The following E2F6 variants were observed in gnomAD, a reference collection of about 807,000 sequenced individuals.
The protein encoded by E2F6 is E2F transcription factor 6.
E2F6 carries 19 observed loss-of-function variants against 31.5 expected under a neutral mutation model. That is an observed-to-expected ratio of 0.60 (90% CI 0.42 to 0.89). E2F6 has a LOEUF of 0.89. Among genes scored for constraint, E2F6 ranks in the 40% least tolerant of loss-of-function variants. The pLI, the probability that E2F6 is intolerant of heterozygous loss-of-function variation, is 0.00. For synonymous variants in E2F6, 121 were observed against 127.7 expected (o/e 0.95, Z 0.36); for missense variants, 269 against 341.6 (o/e 0.79, Z 1.67).
At chr2:11,457,037 T>C (rs534395877) in intron 2 of E2F6, 142 bp downstream of exon 2, 4 of 674,524 alleles carry the variant, frequency 5.9e-6, no homozygotes, top group African/African-American at 1.8e-5. Flanking sequence ...GAGTTGTTAC[T>C]AAAACTTGCA....
chr2:11,465,178 C>CAAAAAAAAAAAAAAAAA (rs59561027), intron 1 of E2F6, among the ~76,000 whole-genome samples: 3 of 88,578 alleles, frequency 3.4e-5, no homozygotes, highest in African/African-American at 4.7e-5. Context: ...AACTCAATCT[C>CAAAAAAAAAAAAAAAAA]AAAAAAAAAA....
At chr2:11,460,679 T>A (rs993567086) in intron 1 of E2F6, among the ~76,000 whole-genome samples, 1 of 152,110 alleles carries the variant, frequency 6.6e-6, no homozygotes, top group Admixed American at 6.5e-5. Flanking sequence ...CATCATAGAG[T>A]GCTTAAACAA....
intron 1 of E2F6, among the ~76,000 whole-genome samples, chr2:11,462,842 G>A (rs556843671): frequency 6.6e-6 from 1 of 152,216 alleles, no homozygotes; most frequent in South Asian, 2.1e-4. Flanking sequence ...AATTATTTCT[G>A]GAATTTTCAT....
chr2:11,461,514 G>A (rs1572513310), intron 1 of E2F6, among the ~76,000 whole-genome samples: 1 of 152,206 alleles, frequency 6.6e-6, no homozygotes, highest in African/African-American at 2.4e-5. Flanking sequence ...ACCAAGCCTG[G>A]CTAATTTTTT....
chr2:11,454,571 T>G (rs1236052237), intron 2 of E2F6, among the ~76,000 whole-genome samples: 2 of 152,068 alleles, frequency 1.3e-5, no homozygotes, highest in Non-Finnish European at 2.9e-5. Flanking sequence ...GGTCTTGAAT[T>G]CATTCCTGAC....
chr2:11,464,616 G>A (rs1300925949), intron 1 of E2F6, among the ~76,000 whole-genome samples: 4 of 151,980 alleles, frequency 2.6e-5, no homozygotes, highest in African/African-American at 9.7e-5. Context: ...TTAAGATGGG[G>A]ATGGATTTAG....
At chr2:11,449,295 G>C (rs1670914864) in intron 5 of E2F6, among the ~76,000 whole-genome samples, 1 of 152,128 alleles carries the variant, frequency 6.6e-6, no homozygotes, top group Non-Finnish European at 1.5e-5. Context: ...GGGGACAAAA[G>C]GAAAAACAGG....
chr2:11,456,456 G>A (rs895209454), intron 2 of E2F6, among the ~76,000 whole-genome samples: 2 of 152,172 alleles, frequency 1.3e-5, no homozygotes, highest in African/African-American at 4.8e-5. Context: ...TTGCGTCAGA[G>A]AGGTAAGAGA....
At chr2:11,458,399 C>T (rs887338040) in intron 1 of E2F6, 1 of 1,541,560 alleles carries the variant, frequency 6.5e-7, no homozygotes, top group Admixed American at 2.0e-5. Flanking sequence ...CGGAAATGAA[C>T]AAAGGTGTGA....
intron 1 of E2F6, chr2:11,458,451 T>A: frequency 1.6e-6 from 2 of 1,235,328 alleles, no homozygotes; most frequent in Non-Finnish European, 2.3e-6. Flanking sequence ...CCCACTGAAG[T>A]GGCCAGTGTG....
rs1553336593 is a variant in E2F6, at chr2:11,463,949, G to GGGGGC, written c.108+1822_108+1823insGCCCC. ...GGGTGACAGAGTGAGATCCTGCACC[G>GGGGGC]GGGGGGGGGACAAAAACAAAAACAG... On this transcript the variant is annotated intron_variant, in intron 1 of 6. Coordinates refer to ENST00000381525, the MANE Select transcript of E2F6 (RefSeq NM_198256.4). 1.0e-4 allele frequency among the ~76,000 whole-genome samples: 4 copies of GGGGGC among 39,042 alleles called. No homozygotes were observed. The East Asian group carries it at 2.6e-3, about 26-fold the overall frequency. 25.6% of individuals were successfully genotyped at this position (39,042 alleles called of 152,430 possible).
intron 5 of E2F6, 61 bp downstream of exon 5, chr2:11,449,951 C>T: frequency 7.6e-7 from 1 of 1,324,220 alleles, no homozygotes; most frequent in Non-Finnish European, 1.1e-6. Flanking sequence ...CAATAAATCA[C>T]AGCCTAAGCA....
intron 1 of E2F6, among the ~76,000 whole-genome samples, chr2:11,462,437 T>G (rs994675445): frequency 6.6e-6 from 1 of 152,214 alleles, no homozygotes; most frequent in Non-Finnish European, 1.5e-5. Context: ...GAAAGTTATG[T>G]GAATGTGGTC....
chr2:11,447,827 T>C lies in E2F6; in HGVS notation c.652-53A>G, dbSNP rs186311898. On this transcript the variant is annotated intron_variant, in intron 5 of 6. Transcript: ENST00000381525. ...ATGAATGAAATAATAAATCATATTT[T>C]TTCACTCACTAGAACTGCAAAAATT... 2.5e-6 allele frequency: 4 copies of C among 1,578,000 alleles called. No homozygotes were observed. In the African/African-American group the frequency reaches 4.1e-5, roughly 16 times the overall value.
intron 4 of E2F6, 74 bp downstream of exon 4, chr2:11,451,577 C>T: frequency 1.4e-6 from 2 of 1,399,970 alleles, no homozygotes; most frequent in Non-Finnish European, 1.9e-6. Flanking sequence ...AATTAAGTCC[C>T]CAAGCTGACT....
At position 11,454,416 on chromosome 2, in the gene E2F6, G is replaced by A. The variant is rs1017834175; in HGVS notation, c.164-618C>T. On this transcript the variant is annotated intron_variant, in intron 2 of 6. Transcript: ENST00000381525. ...CAGGCTGGAGCTGGAGTGCAGTGGC[G>A]CGATCCTGGCTCACTGCAACCTCCG... Among the ~76,000 whole-genome samples the A allele has an allele frequency of 2.6e-5, 4 of 151,090 alleles. No individual in the cohort carries two copies. In the East Asian group the frequency reaches 7.8e-4, roughly 29 times the overall value.
At position 11,445,401 on chromosome 2, in the gene E2F6, A is replaced by C. The variant is rs915652483; in HGVS notation, c.*1076T>G. 1 of 152,658 alleles carries C rather than the reference A, an allele frequency of 6.6e-6. No individual in the cohort carries two copies. The highest frequency in any genetic ancestry group is 2.4e-5 in the African/African-American group (1 of 41,454). The allele number at this position is 152,658 out of a possible 1,614,324, so 9.5% of individuals were successfully genotyped here. A position where few individuals can be genotyped will look rare whatever the true frequency, so the allele number is the denominator to read the frequency against. On this transcript the variant is annotated 3_prime_UTR_variant, in exon 7 of 7. Transcript: ENST00000381525. ...AGTCCCTCAAGGAGCTCACAGTCTA[A>C]TGGTAAACTACAGAGTAAACTGAGG...
At chr2:11,454,972 A>T (rs115832692) in intron 2 of E2F6, among the ~76,000 whole-genome samples, 3 of 152,312 alleles carry the variant, frequency 2.0e-5, no homozygotes, top group African/African-American at 7.2e-5. Flanking sequence ...CAATATTAGA[A>T]ATTAGACCAT....
At chr2:11,446,580 T>C (rs145760514) in intron 6 of E2F6, 57 bp from the exon 7 acceptor site, 19,596 of 1,433,380 alleles carry the variant, frequency 0.014, 174 homozygotes, top group Middle Eastern at 0.025. Context: ...AGTGAAGGTC[T>C]GATAGGCAAA....
Sources: allele counts gnomAD v4.1 joint callset (sites outside exome capture counted in the v4.1 genomes callset), GRCh38; gene constraint gnomAD v4.1.1; transcripts MANE v1.5; gene names NCBI Gene and HGNC (gene_info 2026-07-23, HGNC 2026-07-21).